The following CNOT4 variants were observed in gnomAD, a reference collection of about 807,000 sequenced individuals.
CNOT4 encodes CCR4-NOT transcription complex subunit 4, also known as CCR4-associated factor 4.
A neutral mutation model predicts 73.8 loss-of-function variants in CNOT4; 8 were observed. That is an observed-to-expected ratio of 0.11 (90% CI 0.06 to 0.20). The LOEUF (loss-of-function observed/expected upper bound fraction) is 0.20, where lower values mean the gene tolerates loss of function less well. Ranked by LOEUF, CNOT4 falls within the 10% of genes least tolerant of loss-of-function variation. CNOT4 has a pLI of 1.00. For synonymous variants in CNOT4, 293 were observed against 321.1 expected (o/e 0.91, Z 0.94); for missense variants, 564 against 883.4 (o/e 0.64, Z 4.58).
intron 8 of CNOT4, among the ~76,000 whole-genome samples, chr7:135,396,784 T>C (rs1796719541): frequency 6.6e-6 from 1 of 152,146 alleles, no homozygotes. Flanking sequence ...ACTTACATCT[T>C]AGAAAAATAA....
chr7:135,456,935 AT>A (rs1292237148), intron 1 of CNOT4, among the ~76,000 whole-genome samples: 1 of 151,990 alleles, frequency 6.6e-6, no homozygotes, highest in Non-Finnish European at 1.5e-5. Context: ...ACTAGTCTTT[AT>A]TTGCAGATGA....
At chr7:135,490,048 T>C (rs760157532) in intron 1 of CNOT4, among the ~76,000 whole-genome samples, 10 of 152,236 alleles carry the variant, frequency 6.6e-5, no homozygotes, top group Non-Finnish European at 4.4e-5. Context: ...CAGTGTAGTA[T>C]ATAACTCCTC....
chr7:135,469,327 T>C (rs932923818), intron 1 of CNOT4, among the ~76,000 whole-genome samples: 2 of 152,174 alleles, frequency 1.3e-5, no homozygotes, highest in African/African-American at 2.4e-5. Context: ...ATTTAAATAT[T>C]TGAGAATGAA....
intron 1 of CNOT4, among the ~76,000 whole-genome samples, chr7:135,499,089 A>G (rs1350121783): frequency 6.6e-6 from 1 of 152,214 alleles, no homozygotes; most frequent in South Asian, 2.1e-4. Context: ...TGACATATTA[A>G]AAGATAGGGA....
At chr7:135,449,041 C>G (rs1288737212) in intron 1 of CNOT4, among the ~76,000 whole-genome samples, 1 of 152,066 alleles carries the variant, frequency 6.6e-6, no homozygotes, top group Non-Finnish European at 1.5e-5. Flanking sequence ...GAAAAACTAT[C>G]TTAAGTAATG....
intron 1 of CNOT4, among the ~76,000 whole-genome samples, chr7:135,471,767 T>C (rs991274135): frequency 6.6e-6 from 1 of 152,228 alleles, no homozygotes; most frequent in Non-Finnish European, 1.5e-5. Flanking sequence ...TCTTACGTTA[T>C]ACACGTAAAT....
At chr7:135,451,144 T>A (rs1315236255) in intron 1 of CNOT4, among the ~76,000 whole-genome samples, 1 of 152,166 alleles carries the variant, frequency 6.6e-6, no homozygotes. Flanking sequence ...TAGCAAAAAA[T>A]TGGGACTCCC....
intron 1 of CNOT4, among the ~76,000 whole-genome samples, chr7:135,506,921 T>C (rs1216031178): frequency 6.6e-6 from 1 of 151,436 alleles, no homozygotes; most frequent in Non-Finnish European, 1.5e-5. Context: ...AACAAAAAGA[T>C]AAATTTATTA....
chr7:135,446,824 A>G (rs1401500583), intron 1 of CNOT4, among the ~76,000 whole-genome samples: 1 of 152,098 alleles, frequency 6.6e-6, no homozygotes, highest in Non-Finnish European at 1.5e-5. Flanking sequence ...TAGAAATCAA[A>G]AAGTGAAAAA....
chr7:135,440,444 A>G (rs1799410899), intron 1 of CNOT4, among the ~76,000 whole-genome samples: 1 of 152,036 alleles, frequency 6.6e-6, no homozygotes, highest in African/African-American at 2.4e-5. Context: ...ATGGGAACAC[A>G]TTATTTTGCC....
chr7:135,475,740 C>A (rs918629442), intron 1 of CNOT4, among the ~76,000 whole-genome samples: 1 of 151,974 alleles, frequency 6.6e-6, no homozygotes, highest in Non-Finnish European at 1.5e-5. Flanking sequence ...CAAGACCCTG[C>A]CATTACACAC....
At chr7:135,413,381 C>A in intron 6 of CNOT4, 107 bp downstream of exon 6, 1 of 1,271,858 alleles carries the variant, frequency 7.9e-7, no homozygotes, top group South Asian at 1.3e-5. Flanking sequence ...AAAGTAATAT[C>A]AGTTTTTACA....
chr7:135,510,093 A>G lies in CNOT4; in HGVS notation c.-297T>C, dbSNP rs1319242907. ...CGGGCCACCATCTTACATTAGGGTA[A>G]GACTCCTCCGGCCTCCCGTGCGCAG... is the stretch of plus-strand genomic sequence containing the variant. On this transcript the variant is annotated 5_prime_UTR_variant, in exon 1 of 12. Transcript: ENST00000541284. 1 of 398,944 alleles carries G rather than the reference A, an allele frequency of 2.5e-6. No individual in the cohort carries two copies. Among genetic ancestry groups the G allele is most frequent in the Non-Finnish European group, 4.4e-6 (1 of 226,090 alleles). The allele number at this position is 398,944 out of a possible 1,614,324, so 24.7% of individuals were successfully genotyped here.
rs185117909 is a variant in CNOT4, at chr7:135,438,257, A to G, written c.75T>C (p.Asp25=). The change falls in exon 2 of 12, where the codon GAT becomes GAC. Residue 25 remains aspartate (D), a synonymous_variant. Transcript: ENST00000541284. ...PLCMEPLEID[D]INFFPCTCGY... is the part of the protein sequence containing the mutation. ...CACAGGTGCAAGGGAAAAAGTTGAT[A>G]TCATCTATCTCCAAGGGCTCCATGC... 168 of 1,613,722 alleles carry G rather than the reference A, an allele frequency of 1.0e-4. No individual in the cohort carries two copies. In the East Asian group the frequency reaches 2.5e-3, roughly 24 times the overall value.
chr7:135,381,271 AAC>A (rs1175497984), intron 10 of CNOT4, among the ~76,000 whole-genome samples: 3 of 152,174 alleles, frequency 2.0e-5, no homozygotes, highest in African/African-American at 7.2e-5. Flanking sequence ...TTTATATAAA[AAC>A]ACACACACAT....
chr7:135,434,096 C>A (rs1319136302), intron 2 of CNOT4, among the ~76,000 whole-genome samples: 1 of 152,186 alleles, frequency 6.6e-6, no homozygotes, highest in African/African-American at 2.4e-5. Context: ...TTCTTCAGAT[C>A]ATCTCAATAT....
chr7:135,367,416 C>T (rs1037861778), intron 10 of CNOT4, among the ~76,000 whole-genome samples: 2 of 152,184 alleles, frequency 1.3e-5, no homozygotes, highest in African/African-American at 4.8e-5. Context: ...TTGTATAAGG[C>T]ATCTCCACAA....
chr7:135,461,849 T>C, intron 1 of CNOT4, among the ~76,000 whole-genome samples: 1 of 151,874 alleles, frequency 6.6e-6, no homozygotes, highest in South Asian at 2.1e-4. Context: ...TAAAATAAAA[T>C]AGAAAAAGGA....
At chr7:135,375,604 A>G (rs1795470742) in intron 10 of CNOT4, among the ~76,000 whole-genome samples, 1 of 152,182 alleles carries the variant, frequency 6.6e-6, no homozygotes. Context: ...CTCGCCTGGT[A>G]AGAAAAATGT....
Sources: gnomAD v4.1 joint callset for allele counts (sites outside exome capture counted in the v4.1 genomes callset) on GRCh38, gnomAD v4.1.1 for gene constraint, MANE v1.5 for transcripts, NCBI Gene and HGNC (gene_info 2026-07-23, HGNC 2026-07-21) for gene names.